The following ZXDC variants were observed in gnomAD, a reference collection of about 807,000 sequenced individuals.
ZXDC encodes the protein ZXD family zinc finger C.
Under a neutral mutation model 63.6 loss-of-function variants are expected in ZXDC, and 58 were observed. The ratio of observed to expected loss-of-function variants is 0.91; its 90% CI spans 0.74 to 1.13. The LOEUF (loss-of-function observed/expected upper bound fraction) is 1.13, where lower values mean the gene tolerates loss of function less well. Among genes scored for constraint, ZXDC ranks in the 50% most tolerant of loss-of-function variants. The pLI is 0.00. For missense variants in ZXDC, 1,133 were observed against 1,148.9 expected (o/e 0.99, Z 0.20); for synonymous variants, 561 against 496.1 (o/e 1.13, Z -1.74).
chr3:126,471,087 A>C (rs1934962465), intron 3 of ZXDC, 62 bp from the exon 4 acceptor site: 1 of 1,568,982 alleles, frequency 6.4e-7, no homozygotes, highest in Admixed American at 1.9e-5. Flanking sequence ...ATTCTTTAAA[A>C]TTCTACAAAA....
Position 126,440,185 on chromosome 3 carries a change from C to T in ZXDC, c.2395-458G>A, listed in dbSNP as rs146814132. The T allele has an allele frequency of 2.3e-4, 233 of 1,000,480 alleles. 3 individuals carry two copies. The South Asian group carries it at 8.6e-3, about 37-fold the overall frequency. The allele number at this position is 1,000,480 out of a possible 1,614,324, so 62.0% of individuals were successfully genotyped here. A position where few individuals can be genotyped will look rare whatever the true frequency, so the allele number is the denominator to read the frequency against. On this transcript the variant is annotated intron_variant, in intron 8 of 9. Transcript: ENST00000389709. ...GGAAGGACCAGGGCAGGTAGAGGGGCTCCTGAGAGGGGAGGCTGCCAGGCC... is the reference window on the plus strand; with the variant it reads ...GGAAGGACCAGGGCAGGTAGAGGGGTTCCTGAGAGGGGAGGCTGCCAGGCC...
At position 126,462,009 on chromosome 3, in the gene ZXDC, C is replaced by G. The variant is rs1346570795; in HGVS notation, c.1653G>C (p.Gly551=). 1.9e-6 allele frequency: 3 copies of G among 1,614,072 alleles called. No individual in the cohort carries two copies. The highest frequency in any genetic ancestry group is 1.3e-5 in the African/African-American group (1 of 75,002). Residue 551 remains glycine, a synonymous_variant, in exon 6 of 10, where the codon GGG becomes GGC. Transcript: ENST00000389709. ...GGGAGCTATTATTAGCAGGGAGGTT[C>G]CCTCCCAGAGAGGAGCTCACAGAAG... ...DVTSVSSSLG[G]NLPANNSSLG...
At chr3:126,452,057 C>T in intron 7 of ZXDC, 2 of 985,364 alleles carry the variant, frequency 2.0e-6, no homozygotes, top group South Asian at 4.7e-5. Context: ...AAAAGGCCAG[C>T]ATTCACCTGT....
chr3:126,464,918 T>C (rs73859300), intron 5 of ZXDC, among the ~76,000 whole-genome samples: 2,627 of 152,312 alleles, frequency 0.017, 83 homozygotes, highest in African/African-American at 0.059. Context: ...GAAAGATCAG[T>C]GTCCAAGATC....
At position 126,472,003 on chromosome 3, in the gene ZXDC, G is replaced by T. The variant is rs1934997421; in HGVS notation, c.1109C>A (p.Thr370Asn). 1 of 1,613,458 alleles carries T rather than the reference G, an allele frequency of 6.2e-7. No homozygotes were observed. Among genetic ancestry groups the T allele is most frequent in the Admixed American group, 1.7e-5 (1 of 59,902 alleles). The change falls in exon 3 of 10, where the codon ACC becomes AAC. Residue 370 changes from threonine (T) to asparagine (N), a missense_variant. Coordinates refer to ENST00000389709, the MANE Select transcript of ZXDC (RefSeq NM_025112.5). ...CDSDSCGWTF[T>N]SMSKLLRHRR... Reference sequence around the variant, plus strand: ...GTGCCTTAGAAGTTTGGACATGCTGGTGAAGGTCCAGCCACAGCTGTCAGA... The same window carrying T: ...GTGCCTTAGAAGTTTGGACATGCTGTTGAAGGTCCAGCCACAGCTGTCAGA...
intron 6 of ZXDC, chr3:126,461,236 A>C: frequency 8.7e-7 from 1 of 1,147,944 alleles, no homozygotes; most frequent in Non-Finnish European, 1.1e-6. Context: ...CAACATTACA[A>C]AACCCCCAAT....
intron 4 of ZXDC, among the ~76,000 whole-genome samples, chr3:126,469,951 G>A (rs1029430836): frequency 1.3e-5 from 2 of 152,156 alleles, no homozygotes; most frequent in African/African-American, 4.8e-5. Flanking sequence ...GGAAACCAAG[G>A]CCCAGAGAAG....
chr3:126,475,849 A>C lies in ZXDC; in HGVS notation c.17T>G (p.Leu6Arg). The change falls in exon 1 of 10, where the codon CTG (leucine) becomes CGG (arginine). Residue 6 changes from leucine to arginine, a missense_variant. Coordinates refer to ENST00000389709, the MANE Select transcript of ZXDC (RefSeq NM_025112.5). ...TCCGCGCGCAGTCGGGGCGGGGAGCAGCGCCGGGAGGTCCATCTTGGTCCC... is the reference window on the plus strand; with the variant it reads ...TCCGCGCGCAGTCGGGGCGGGGAGCCGCGCCGGGAGGTCCATCTTGGTCCC... MDLPA[L>R]LPAPTARGGQ... The C allele has an allele frequency of 9.3e-7, 1 of 1,077,744 alleles. No individual in the cohort carries two copies. The allele number at this position is 1,077,744 out of a possible 1,614,324, so 66.8% of individuals were successfully genotyped here. A position where few individuals can be genotyped will look rare whatever the true frequency, so the allele number is the denominator to read the frequency against.
At chr3:126,459,542 A>G in intron 7 of ZXDC, 111 bp downstream of exon 7, 1 of 1,557,268 alleles carries the variant, frequency 6.4e-7, no homozygotes, top group East Asian at 2.3e-5. Flanking sequence ...TATTCTGAAC[A>G]GAAAAGTAAA....
intron 7 of ZXDC, among the ~76,000 whole-genome samples, chr3:126,445,300 A>G (rs138360653): frequency 2.6e-5 from 4 of 152,220 alleles, no homozygotes; most frequent in African/African-American, 9.6e-5. Context: ...AAAGGTGAGG[A>G]CTTTCTACGA....
At chr3:126,453,121 C>T in intron 7 of ZXDC, 1 of 985,420 alleles carries the variant, frequency 1.0e-6, no homozygotes, top group Non-Finnish European at 1.2e-6. Flanking sequence ...AGGGGGAGAA[C>T]TGAGGAACTA....
At chr3:126,440,391 T>G in intron 8 of ZXDC, 2 of 985,566 alleles carry the variant, frequency 2.0e-6, no homozygotes, top group Non-Finnish European at 2.4e-6. Context: ...TCCCATTTCA[T>G]AGATGACAAA....
intron 1 of ZXDC, 112 bp downstream of exon 1, chr3:126,474,847 G>T: frequency 8.0e-7 from 1 of 1,251,060 alleles, no homozygotes; most frequent in Non-Finnish European, 1.1e-6. Context: ...ATCCCGAAGA[G>T]CCTGCGTCCC....
In ZXDC at chr3:126,446,447, T is replaced by G. The variant is rs115800499; in HGVS notation, c.2213-4501A>C. ...GAGAATTAGGTGAGGTCAACAGCAC[T>G]GGGCCTGGCTCAAACAGCATGCCAT... is the stretch of plus-strand genomic sequence containing the variant. On this transcript the variant is annotated intron_variant, in intron 7 of 9. Coordinates refer to ENST00000389709, the MANE Select transcript of ZXDC (RefSeq NM_025112.5). 2.0e-5 allele frequency among the ~76,000 whole-genome samples: 3 copies of G among 152,214 alleles called. No homozygotes were observed. The South Asian group carries it at 6.2e-4, about 32-fold the overall frequency.
chr3:126,472,159 G>C lies in ZXDC; in HGVS notation c.1054C>G (p.His352Asp), dbSNP rs925416481. The C allele has an allele frequency of 1.2e-6, 2 of 1,609,692 alleles. No homozygotes were observed. Among genetic ancestry groups the C allele is most frequent in the African/African-American group, 2.7e-5 (2 of 74,904 alleles). ...ACRLKIHLRS[H>D]TGERPFICDS... is the part of the protein sequence containing the mutation. ...GCGTTCCCTAGCTCATTACCTGTAT[G>C]GCTCCGCAGGTGAATTTTCAGCCGA... Residue 352 changes from histidine to aspartate, a missense_variant, in exon 2 of 10, where the codon CAT (histidine) becomes GAT (aspartate). Transcript: ENST00000389709.
At chr3:126,460,810 T>C (rs1355646457) in intron 6 of ZXDC, 1 of 984,204 alleles carries the variant, frequency 1.0e-6, no homozygotes, top group East Asian at 1.1e-4. Context: ...GCAAAAGATG[T>C]AACATTTTTT....
At chr3:126,454,696 C>T in intron 7 of ZXDC, 1 of 985,450 alleles carries the variant, frequency 1.0e-6, no homozygotes, top group African/African-American at 1.7e-5. Context: ...CTCTGATAAG[C>T]ACCACACTTT....
chr3:126,468,435 C>G (rs764454010), intron 4 of ZXDC, among the ~76,000 whole-genome samples: 1 of 152,094 alleles, frequency 6.6e-6, no homozygotes, highest in African/African-American at 2.4e-5. Context: ...CAAGAATGAT[C>G]AACTCTCAGT....
chr3:126,474,420 G>A (rs941743519), intron 1 of ZXDC, among the ~76,000 whole-genome samples: 1 of 152,186 alleles, frequency 6.6e-6, no homozygotes, highest in Admixed American at 6.5e-5. Flanking sequence ...CTGTAAAAGA[G>A]GACAGTTTTT....
Sources: gnomAD v4.1 joint callset for allele counts (sites outside exome capture counted in the v4.1 genomes callset) on GRCh38, gnomAD v4.1.1 for gene constraint, MANE v1.5 for transcripts, NCBI Gene and HGNC (gene_info 2026-07-23, HGNC 2026-07-21) for gene names.